Variants in ZFPM2 observed in about 807,000 individuals in gnomAD.
The protein encoded by ZFPM2 is zinc finger protein, FOG family member 2.
ZFPM2 carries 20 observed loss-of-function variants against 98.6 expected under a neutral mutation model. The ratio of observed to expected loss-of-function variants is 0.20; its 90% CI spans 0.14 to 0.29. The LOEUF (loss-of-function observed/expected upper bound fraction) is 0.29. Ranked by LOEUF, ZFPM2 falls within the 10% of genes least tolerant of loss-of-function variation. ZFPM2 has a pLI of 1.00. For missense variants in ZFPM2, 1,310 were observed against 1,388.6 expected, an observed-to-expected ratio of 0.94 and a Z score of 0.90; for synonymous variants, 518 against 502.7, an observed-to-expected ratio of 1.03 and a Z score of -0.41.
intron 3 of ZFPM2, among the ~76,000 whole-genome samples, chr8:105,483,547 G>C (rs940018609): frequency 1.0e-4 from 15 of 150,262 alleles, no homozygotes; most frequent in African/African-American, 3.4e-4. Context: ...CTGAGATCCT[G>C]CCACTGCCCT....
In ZFPM2 at chr8:105,802,211, G is replaced by A; in HGVS notation, c.2129G>A (p.Cys710Tyr). 6.2e-7 allele frequency: 1 copy of A among 1,613,886 alleles called. No homozygotes were observed. ...TACATGGTCCACAAACAGTATTACTGTGCTACACGCCACGACCCTCCACTG... is the reference window on the plus strand; with the variant it reads ...TACATGGTCCACAAACAGTATTACTATGCTACACGCCACGACCCTCCACTG... ...ETYMVHKQYY[C>Y]ATRHDPPLKR... Residue 710 changes from cysteine (C) to tyrosine (Y), a missense_variant, in exon 8 of 8, where the codon TGT (cysteine) becomes TAT (tyrosine). Transcript: ENST00000407775.
intron 3 of ZFPM2, among the ~76,000 whole-genome samples, chr8:105,519,082 A>G (rs1157141): frequency 0.4 from 61,345 of 152,032 alleles, 15,051 homozygotes; most frequent in African/African-American, 0.7. Context: ...AATTCTCTCA[A>G]TGTCTTCATG....
At chr8:105,651,167 T>A (rs1586174693) in intron 5 of ZFPM2, among the ~76,000 whole-genome samples, 1 of 152,304 alleles carries the variant, frequency 6.6e-6, no homozygotes, top group East Asian at 1.9e-4. Flanking sequence ...TGTCATTCTT[T>A]AGTTTTTTTC....
chr8:105,405,332 A>G (rs1811424806), intron 1 of ZFPM2, among the ~76,000 whole-genome samples: 1 of 151,882 alleles, frequency 6.6e-6, no homozygotes, highest in African/African-American at 2.4e-5. Flanking sequence ...CACAACGTGC[A>G]GGTTTGTTAC....
In ZFPM2 at chr8:105,625,815, T is replaced by A. The variant is rs576874187; in HGVS notation, c.421-8431T>A. On this transcript the variant is annotated intron_variant, in intron 4 of 7. Transcript: ENST00000407775. ...CCAGGCTGGTCTCGAACTCCTGACC[T>A]CAGGCGATCCACCAACCTCAGTCTC... Among the ~76,000 whole-genome samples, 22 of 152,096 alleles carry A rather than the reference T, an allele frequency of 1.4e-4. No individual in the cohort carries two copies. In the East Asian group the frequency reaches 3.9e-3, roughly 27 times the overall value.
At chr8:105,690,460 A>G (rs1396946519) in intron 5 of ZFPM2, among the ~76,000 whole-genome samples, 2 of 152,136 alleles carry the variant, frequency 1.3e-5, no homozygotes, top group Non-Finnish European at 2.9e-5. Flanking sequence ...ATCGAGAAGG[A>G]CACCGGACAG....
chr8:105,608,351 A>G (rs571680976), intron 4 of ZFPM2, among the ~76,000 whole-genome samples: 61 of 152,222 alleles, frequency 4.0e-4, no homozygotes, highest in Middle Eastern at 3.4e-3. Flanking sequence ...ATCCTTAAAA[A>G]CAAATTTTAC....
At chr8:105,772,861 A>C (rs993856090) in intron 5 of ZFPM2, among the ~76,000 whole-genome samples, 2 of 152,142 alleles carry the variant, frequency 1.3e-5, no homozygotes, top group Non-Finnish European at 2.9e-5. Context: ...TCAGGAACCC[A>C]GGCTTCTGTT....
chr8:105,605,241 G>T (rs1816173369), intron 4 of ZFPM2, among the ~76,000 whole-genome samples: 1 of 152,032 alleles, frequency 6.6e-6, no homozygotes, highest in Admixed American at 6.6e-5. Context: ...TCTCTCAATT[G>T]TTAACCCAAG....
At chr8:105,462,115 A>G (rs1429752289) in intron 3 of ZFPM2, among the ~76,000 whole-genome samples, 1 of 152,252 alleles carries the variant, frequency 6.6e-6, no homozygotes, top group African/African-American at 2.4e-5. Flanking sequence ...TAAAATTTTG[A>G]GAATTGTTTC....
At chr8:105,765,293 G>C (rs186719617) in intron 5 of ZFPM2, among the ~76,000 whole-genome samples, 3 of 151,616 alleles carry the variant, frequency 2.0e-5, no homozygotes, top group Non-Finnish European at 3.0e-5. Context: ...ACGTAAAATG[G>C]GTTGTTTAGA....
At position 105,346,455 on chromosome 8, in the gene ZFPM2, A is replaced by T. The variant is rs1330230492; in HGVS notation, c.40+27474A>T. Among the ~76,000 whole-genome samples the T allele has an allele frequency of 2.8e-4, 43 of 152,142 alleles. 1 individual carries two copies. The highest frequency in any genetic ancestry group is 4.4e-5 in the Non-Finnish European group (3 of 68,034). ...TTGGCATACTTGTTTTAAGCATTAC[A>T]TATGTAATTAAACTTAATAGGAGGA... On this transcript the variant is annotated intron_variant, in intron 1 of 7. Coordinates refer to ENST00000407775, the MANE Select transcript of ZFPM2 (RefSeq NM_012082.4).
intron 1 of ZFPM2, among the ~76,000 whole-genome samples, chr8:105,394,187 C>A (rs1811176055): frequency 6.6e-6 from 1 of 152,102 alleles, no homozygotes; most frequent in Admixed American, 6.5e-5. Flanking sequence ...GCCACCGCGC[C>A]CAGCCATAGA....
intron 5 of ZFPM2, among the ~76,000 whole-genome samples, chr8:105,751,722 C>T (rs754624068): frequency 6.0e-5 from 9 of 151,068 alleles, no homozygotes; most frequent in Non-Finnish European, 8.8e-5. Context: ...AGTTTATGAG[C>T]GATGGAGGGC....
chr8:105,406,478 G>A (rs1046321888), intron 1 of ZFPM2, among the ~76,000 whole-genome samples: 1 of 152,012 alleles, frequency 6.6e-6, no homozygotes, highest in Non-Finnish European at 1.5e-5. Flanking sequence ...AGACCTACAT[G>A]TTAGACCTAA....
intron 3 of ZFPM2, among the ~76,000 whole-genome samples, chr8:105,529,966 A>G (rs1480191028): frequency 2.0e-5 from 3 of 152,016 alleles, no homozygotes; most frequent in African/African-American, 7.2e-5. Flanking sequence ...CCTGACCTCA[A>G]GTGATCCACC....
At chr8:105,797,524 A>G (rs1160253424) in intron 6 of ZFPM2, among the ~76,000 whole-genome samples, 1 of 152,168 alleles carries the variant, frequency 6.6e-6, no homozygotes, top group Non-Finnish European at 1.5e-5. Flanking sequence ...CATTAAGACA[A>G]AATCTAAAAC....
chr8:105,529,196 A>AACTCCT (rs1395942076), intron 3 of ZFPM2, among the ~76,000 whole-genome samples: 1 of 151,960 alleles, frequency 6.6e-6, no homozygotes, highest in Non-Finnish European at 1.5e-5. Context: ...CTCTGTCCTC[A>AACTCCT]ACTCCTTTTC....
chr8:105,466,278 A>G (rs1812794751), intron 3 of ZFPM2, among the ~76,000 whole-genome samples: 3 of 152,066 alleles, frequency 2.0e-5, no homozygotes, highest in Admixed American at 6.6e-5. Flanking sequence ...TTTCAAAATC[A>G]TATTTATGTG....
Sources: gnomAD v4.1 joint callset for allele counts (sites outside exome capture counted in the v4.1 genomes callset) on GRCh38, gnomAD v4.1.1 for gene constraint, MANE v1.5 for transcripts, NCBI Gene and HGNC (gene_info 2026-07-23, HGNC 2026-07-21) for gene names.